The following UVSSA variants were observed in gnomAD, a reference collection of about 807,000 sequenced individuals.
The protein encoded by UVSSA is UV stimulated scaffold protein A, also known as UV-stimulated scaffold protein A.
A neutral mutation model predicts 73.9 loss-of-function variants in UVSSA; 72 were observed. The observed-to-expected ratio is 0.97, with a 90% CI of 0.81 to 1.19. The LOEUF is 1.19. Among genes scored for constraint, UVSSA ranks in the 50% most tolerant of loss-of-function variants. The pLI, the probability that UVSSA is intolerant of heterozygous loss-of-function variation, is 0.00. For synonymous variants in UVSSA, 454 were observed against 391.3 expected (o/e 1.16, Z -1.89); for missense variants, 1,150 against 965.0 (o/e 1.19, Z -2.54).
In UVSSA at chr4:1,354,808, C is replaced by G. The variant is rs769886518; in HGVS notation, c.1008C>G (p.Ile336Met). 2 of 1,613,078 alleles carry G rather than the reference C, an allele frequency of 1.2e-6. No individual in the cohort carries two copies. The highest frequency in any genetic ancestry group is 1.7e-6 in the Non-Finnish European group (2 of 1,179,924). The stretch of plus-strand genomic sequence containing the variant: ...CCGCCCGCGACACACTCAAGCTCAT[C>G]CGGAACAAGTTCCTGCCGGCTGTGT... The part of the protein sequence containing the change: ...IHAARDTLKL[I>M]RNKFLPAVCS... The change falls in exon 6 of 14, where the codon ATC (isoleucine) becomes ATG (methionine). Residue 336 changes from isoleucine (I) to methionine (M), a missense_variant. Coordinates refer to ENST00000389851, the MANE Select transcript of UVSSA (RefSeq NM_020894.4).
chr4:1,376,296 C>A (rs1560475950), intron 10 of UVSSA, 128 bp downstream of exon 10: 2 of 1,350,278 alleles, frequency 1.5e-6, no homozygotes, highest in African/African-American at 1.5e-5. Flanking sequence ...CTCTGCCCCA[C>A]CTTCCGGGCA....
At chr4:1,365,442 A>T (rs1717180266) in intron 7 of UVSSA, among the ~76,000 whole-genome samples, 1 of 152,220 alleles carries the variant, frequency 6.6e-6, no homozygotes, top group Non-Finnish European at 1.5e-5. Flanking sequence ...CGGGCGCAGG[A>T]AGGGGCAGGG....
In UVSSA at chr4:1,383,787, TGA is replaced by T; in HGVS notation, c.1888_1889del (p.Asp630ArgfsTer36). On this transcript the variant is annotated frameshift_variant, in exon 13 of 14. Coordinates refer to ENST00000389851, the MANE Select transcript of UVSSA (RefSeq NM_020894.4). LOFTEE classifies it high-confidence loss of function. The stretch of plus-strand genomic sequence containing the variant: ...GCAGAATGGCAGGACCCTGAGTTGA[TGA>T]GAGACGTGGAAGCAGCCACAGGGCA... 6.2e-7 allele frequency: 1 copy of T among 1,613,422 alleles called. No individual in the cohort carries two copies. Among genetic ancestry groups the T allele is most frequent in the South Asian group, 1.1e-5 (1 of 91,082 alleles).
At chr4:1,371,448 C>T (rs565952122) in intron 8 of UVSSA, among the ~76,000 whole-genome samples, 8 of 152,132 alleles carry the variant, frequency 5.3e-5, no homozygotes, top group Non-Finnish European at 7.4e-5. Flanking sequence ...GGTTTTCTTT[C>T]GTCAGTTCCG....
intron 7 of UVSSA, among the ~76,000 whole-genome samples, chr4:1,358,815 G>A (rs1716186289): frequency 1.3e-5 from 2 of 152,252 alleles, no homozygotes; most frequent in Non-Finnish European, 2.9e-5. Flanking sequence ...CACGGGGATT[G>A]GCGTCGTTAA....
At chr4:1,379,030 T>C (rs1329528243) in intron 10 of UVSSA, among the ~76,000 whole-genome samples, 1 of 150,804 alleles carries the variant, frequency 6.6e-6, no homozygotes, top group Middle Eastern at 3.2e-3. Context: ...CTCCCTAGCG[T>C]GGGCCGTGCC....
chr4:1,355,269 G>A, intron 7 of UVSSA, 24 bp downstream of exon 7: 2 of 1,593,598 alleles, frequency 1.3e-6, no homozygotes, highest in South Asian at 2.3e-5. Context: ...CGGCGAGCGG[G>A]AAGGGGTCCC....
At chr4:1,360,384 G>T (rs114433110) in intron 7 of UVSSA, among the ~76,000 whole-genome samples, 2,543 of 147,466 alleles carry the variant, frequency 0.017, 81 homozygotes, top group African/African-American at 0.062. Flanking sequence ...TTGAAACACC[G>T]CCCCATGCTG....
upstream of UVSSA, among the ~76,000 whole-genome samples, chr4:1,343,369 G>A (rs1266611560): frequency 6.6e-6 from 1 of 152,068 alleles, no homozygotes; most frequent in East Asian, 1.9e-4. Flanking sequence ...CCTCTTTAAA[G>A]GCCTCATCTC....
At chr4:1,354,484 A>G in intron 5 of UVSSA, 1 of 518,894 alleles carries the variant, frequency 1.9e-6, no homozygotes, top group Non-Finnish European at 3.5e-6. Context: ...GGCTGCAGCC[A>G]AGGAGACTGA....
chr4:1,365,579 C>T (rs940767735), intron 7 of UVSSA, among the ~76,000 whole-genome samples: 6 of 152,232 alleles, frequency 3.9e-5, no homozygotes, highest in Admixed American at 6.5e-5. Flanking sequence ...TGAGGGATCC[C>T]CCCACACCTA....
intron 8 of UVSSA, among the ~76,000 whole-genome samples, chr4:1,372,198 G>T (rs1226358856): frequency 2.6e-5 from 4 of 152,066 alleles, no homozygotes; most frequent in Non-Finnish European, 4.4e-5. Flanking sequence ...ACTAACCGTT[G>T]TATCAAGTGG....
rs777405757 is a variant in UVSSA at position 1,348,205 on chromosome 4, C to T, written c.98+16C>T. 3 of 1,583,004 alleles carry T rather than the reference C, an allele frequency of 1.9e-6. No homozygotes were observed. The highest frequency in any genetic ancestry group is 1.1e-5 in the South Asian group (1 of 90,482). ...AAATTTGCAAGTATGTCTTAGGGTT[C>T]AGTAACAGTAACTGACTGGCCCACT... On this transcript the variant is annotated intron_variant, in intron 2 of 13. Transcript: ENST00000389851.
intron 7 of UVSSA, among the ~76,000 whole-genome samples, chr4:1,363,246 G>A (rs998106631): frequency 2.0e-5 from 3 of 152,118 alleles, no homozygotes; most frequent in Admixed American, 6.6e-5. Context: ...CCGCTGTTAC[G>A]GAGGGAGATG....
intron 11 of UVSSA, among the ~76,000 whole-genome samples, chr4:1,380,438 G>A (rs1325314880): frequency 6.6e-6 from 1 of 152,220 alleles, no homozygotes; most frequent in Non-Finnish European, 1.5e-5. Context: ...CCACGGCCCT[G>A]AAGCCTGACA....
chr4:1,370,022 C>T (rs1717835236), intron 8 of UVSSA, among the ~76,000 whole-genome samples: 1 of 152,166 alleles, frequency 6.6e-6, no homozygotes, highest in Non-Finnish European at 1.5e-5. Flanking sequence ...GAAAGTATGT[C>T]AGAGAGATTG....
intron 12 of UVSSA, 138 bp from the exon 13 acceptor site, chr4:1,383,628 T>G (rs946311252): frequency 1.0e-6 from 1 of 972,034 alleles, no homozygotes; most frequent in Admixed American, 2.3e-5. Context: ...TCAGGCTTGC[T>G]GCTGCCAGGG....
In UVSSA at chr4:1,354,833, T is replaced by C; in HGVS notation, c.1033T>C (p.Cys345Arg). 1 of 1,607,184 alleles carries C rather than the reference T, an allele frequency of 6.2e-7. No homozygotes were observed. The highest frequency in any genetic ancestry group is 8.5e-7 in the Non-Finnish European group (1 of 1,176,456). The change falls in exon 6 of 14, where the codon TGC becomes CGC. Residue 345 changes from cysteine to arginine, a missense_variant. Coordinates refer to ENST00000389851, the MANE Select transcript of UVSSA (RefSeq NM_020894.4). ...LIRNKFLPAVCSWIQRFTRVG... is the reference protein window; with the variant it reads ...LIRNKFLPAVRSWIQRFTRVG... ...CCGGAACAAGTTCCTGCCGGCTGTG[T>C]GCTCGTGGATCCAGGTGAGCCTCGA...
chr4:1,351,794 T>C lies in UVSSA; in HGVS notation c.509T>C (p.Ile170Thr). 6.2e-7 allele frequency: 1 copy of C among 1,613,606 alleles called. No individual in the cohort carries two copies. The highest frequency in any genetic ancestry group is 1.3e-5 in the African/African-American group (1 of 75,034). ...GAGAAGCAGAAGCACTTGGATAAAA[T>C]TTATCAAGAAAGAGCCAGCCAGGCG... ...EEEKQKHLDKIYQERASQAER... is the reference protein window; with the variant it reads ...EEEKQKHLDKTYQERASQAER... Residue 170 changes from isoleucine (I) to threonine (T), a missense_variant, in exon 4 of 14, where the codon ATT becomes ACT. Ile to Thr is a moderately conservative substitution (Grantham distance 89, BLOSUM62 -1). Coordinates refer to ENST00000389851, the MANE Select transcript of UVSSA (RefSeq NM_020894.4).
Sources: allele counts gnomAD v4.1 joint callset (sites outside exome capture counted in the v4.1 genomes callset), GRCh38; gene constraint gnomAD v4.1.1; transcripts MANE v1.5; gene names NCBI Gene and HGNC (gene_info 2026-07-23, HGNC 2026-07-21).